Variants in PLSCR2 observed in about 807,000 individuals in gnomAD.
PLSCR2 encodes phospholipid scramblase 2.
Under a neutral mutation model 25.3 loss-of-function variants are expected in PLSCR2, and 18 were observed. The observed-to-expected ratio is 0.71, with a 90% CI of 0.49 to 1.06. PLSCR2 has a LOEUF of 1.06. Among genes scored for constraint, PLSCR2 ranks in the 50% least tolerant of loss-of-function variants. PLSCR2 has a pLI of 0.00. For synonymous variants in PLSCR2, 88 were observed against 87.3 expected, an observed-to-expected ratio of 1.01 and a Z score of -0.04; for missense variants, 243 against 269.5, an observed-to-expected ratio of 0.90 and a Z score of 0.69.
At chr3:146,451,156 C>A (rs1188717041) in intron 5 of PLSCR2, among the ~76,000 whole-genome samples, 2 of 146,926 alleles carry the variant, frequency 1.4e-5, no homozygotes, top group Admixed American at 6.8e-5. Context: ...CTCTTGTCCC[C>A]CAGGCTGGAG....
chr3:146,463,410 C>T (rs1336771840), upstream of PLSCR2, among the ~76,000 whole-genome samples: 1 of 152,200 alleles, frequency 6.6e-6, no homozygotes, highest in African/African-American at 2.4e-5. Flanking sequence ...CCGCGTCGGC[C>T]TCCCAAAGTG....
intron 1 of PLSCR2, among the ~76,000 whole-genome samples, chr3:146,472,854 T>C (rs1050706482): frequency 6.6e-6 from 1 of 152,250 alleles, no homozygotes; most frequent in South Asian, 2.1e-4. Flanking sequence ...TTCTAGAATT[T>C]GAGAAGTCCA....
downstream of PLSCR2, among the ~76,000 whole-genome samples, chr3:146,431,488 C>A (rs1255441978): frequency 1.3e-5 from 2 of 152,150 alleles, no homozygotes; most frequent in Non-Finnish European, 2.9e-5. Context: ...CAAGACCCTA[C>A]AGTTTCTGAC....
chr3:146,491,992 T>C (rs536100868), intron 1 of PLSCR2, among the ~76,000 whole-genome samples: 1 of 152,304 alleles, frequency 6.6e-6, no homozygotes, highest in Non-Finnish European at 1.5e-5. Flanking sequence ...GTTGCTGTCC[T>C]TTGGATGGGT....
chr3:146,449,128 A>C, intron 6 of PLSCR2, 78 bp downstream of exon 6: 1 of 1,049,378 alleles, frequency 9.5e-7, no homozygotes, highest in Non-Finnish European at 1.4e-6. Context: ...GTAATCTTAA[A>C]ATGTATAATT....
At chr3:146,426,277 T>TCCTTCCTTCTTTC (rs2039349391) in intron 2 of PLSCR2, among the ~76,000 whole-genome samples, 1 of 145,698 alleles carries the variant, frequency 6.9e-6, no homozygotes, top group Admixed American at 6.9e-5. Context: ...TTCCTTCTTT[T>TCCTTCCTTCTTTC]CTTCCTTCCT....
intron 1 of PLSCR2, among the ~76,000 whole-genome samples, chr3:146,481,848 AC>A (rs2043141870): frequency 6.6e-6 from 1 of 152,238 alleles, no homozygotes; most frequent in Non-Finnish European, 1.5e-5. Context: ...GGTTACAGTA[AC>A]CAAAACAGCA....
intron 1 of PLSCR2, among the ~76,000 whole-genome samples, chr3:146,468,152 C>G (rs692749): frequency 0.47 from 71,799 of 152,040 alleles, 17,294 homozygotes; most frequent in East Asian, 0.61. Flanking sequence ...AAGGCTGCTT[C>G]ATGTACAGTG....
intron 2 of PLSCR2, among the ~76,000 whole-genome samples, chr3:146,420,590 A>C (rs1485548369): frequency 6.6e-6 from 1 of 152,082 alleles, no homozygotes; most frequent in East Asian, 1.9e-4. Flanking sequence ...AAAGAATCTC[A>C]ACTTTAAATT....
chr3:146,494,641 A>T (rs967972493), intron 1 of PLSCR2: 10 of 152,190 alleles, frequency 6.6e-5, no homozygotes, highest in Non-Finnish European at 1.5e-4. Flanking sequence ...TATTGCTGTC[A>T]GTGAACCTAA....
At chr3:146,483,017 C>A (rs1207552840) in intron 1 of PLSCR2, among the ~76,000 whole-genome samples, 1 of 151,560 alleles carries the variant, frequency 6.6e-6, no homozygotes, top group Non-Finnish European at 1.5e-5. Flanking sequence ...CTGGCCAGGG[C>A]AATCAGGCAG....
At chr3:146,430,790 G>T (rs2039518954), downstream of PLSCR2, among the ~76,000 whole-genome samples, 2 of 148,850 alleles carry the variant, frequency 1.3e-5, no homozygotes, top group Admixed American at 1.4e-4. Flanking sequence ...TGCAGGTCCA[G>T]GCAGTCACAT....
intron 1 of PLSCR2, among the ~76,000 whole-genome samples, chr3:146,470,351 C>A (rs953063355): frequency 6.6e-6 from 1 of 152,060 alleles, no homozygotes; most frequent in Non-Finnish European, 1.5e-5. Flanking sequence ...TCAAGACCAG[C>A]CTGGACAACA....
chr3:146,395,451 A>G (rs902432592), intron 3 of PLSCR2, among the ~76,000 whole-genome samples: 2 of 152,204 alleles, frequency 1.3e-5, no homozygotes, highest in East Asian at 3.8e-4. Context: ...TGTATTAATA[A>G]ATTTTACATT....
At chr3:146,394,739 G>A (rs991723575) in intron 3 of PLSCR2, among the ~76,000 whole-genome samples, 1 of 152,178 alleles carries the variant, frequency 6.6e-6, no homozygotes, top group African/African-American at 2.4e-5. Flanking sequence ...ATATGGTTTG[G>A]CTCTGGGTGT....
chr3:146,472,186 A>G (rs1419093586), intron 1 of PLSCR2, among the ~76,000 whole-genome samples: 3 of 152,244 alleles, frequency 2.0e-5, no homozygotes, highest in Non-Finnish European at 4.4e-5. Context: ...CTTCTGGTTC[A>G]CAGCCAATTT....
downstream of PLSCR2, among the ~76,000 whole-genome samples, chr3:146,430,835 T>C (rs1003057306): frequency 2.0e-5 from 3 of 150,330 alleles, no homozygotes; most frequent in East Asian, 3.9e-4. Flanking sequence ...CTCTTTATTC[T>C]CCCCCTTCCC....
At chr3:146,469,326 T>C in intron 1 of PLSCR2, 169 bp downstream of exon 1, 1 of 983,580 alleles carries the variant, frequency 1.0e-6, no homozygotes, top group Non-Finnish European at 1.2e-6. Flanking sequence ...CTGGGCCGCC[T>C]GGGGCCCCTT....
intron 2 of PLSCR2, among the ~76,000 whole-genome samples, chr3:146,419,926 G>T (rs2039093674): frequency 6.6e-6 from 1 of 152,028 alleles, no homozygotes; most frequent in Non-Finnish European, 1.5e-5. Flanking sequence ...GTAATTATAG[G>T]TTTGGGGGAT....
Sources: allele counts gnomAD v4.1 joint callset (sites outside exome capture counted in the v4.1 genomes callset), GRCh38; gene constraint gnomAD v4.1.1; transcripts MANE v1.5; gene names NCBI Gene and HGNC (gene_info 2026-07-23, HGNC 2026-07-21).